ADAM22: variants seen among roughly 807,000 people sequenced by gnomAD.
The protein encoded by ADAM22 is disintegrin and metalloproteinase domain-containing protein 22.
A neutral mutation model predicts 144.6 loss-of-function variants in ADAM22; 65 were observed. The ratio of observed to expected loss-of-function variants is 0.45; its 90% CI spans 0.37 to 0.55. The LOEUF (loss-of-function observed/expected upper bound fraction) is 0.55, where lower values mean the gene tolerates loss of function less well. Ranked by LOEUF, ADAM22 falls within the 20% of genes least tolerant of loss-of-function variation. The pLI, the probability that ADAM22 is intolerant of heterozygous loss-of-function variation, is 0.00. For synonymous variants in ADAM22, 391 were observed against 412.6 expected (o/e 0.95, Z 0.63); for missense variants, 974 against 1,184.9 (o/e 0.82, Z 2.61).
intron 2 of ADAM22, among the ~76,000 whole-genome samples, chr7:87,962,904 T>C (rs573712325): frequency 2.0e-5 from 3 of 152,264 alleles, no homozygotes; most frequent in East Asian, 3.9e-4. Flanking sequence ...GATTTGAACA[T>C]AGGAAATTTG....
chr7:88,084,569 G>A (rs1675248551), intron 4 of ADAM22, among the ~76,000 whole-genome samples: 1 of 152,256 alleles, frequency 6.6e-6, no homozygotes. Context: ...TTATTTCTCT[G>A]CTGGTTCCCT....
intron 3 of ADAM22, among the ~76,000 whole-genome samples, chr7:88,025,152 GT>G (rs1341697756): frequency 6.6e-6 from 1 of 152,136 alleles, no homozygotes; most frequent in African/African-American, 2.4e-5. Context: ...GGTTGAACTA[GT>G]TTACAGTCCC....
chr7:88,188,412 C>T (rs544641579), intron 30 of ADAM22, among the ~76,000 whole-genome samples: 52 of 152,240 alleles, frequency 3.4e-4, no homozygotes, highest in Admixed American at 3.0e-3. Context: ...CCTGATTGCA[C>T]GTGCAAAACT....
intron 27 of ADAM22, 36 bp from the exon 28 acceptor site, chr7:88,181,469 C>T (rs1218291182): frequency 6.4e-7 from 1 of 1,572,410 alleles, no homozygotes; most frequent in South Asian, 1.1e-5. Context: ...CATTTGGTTA[C>T]ATTTTTGAAC....
At chr7:87,956,847 T>G (rs1476547764) in intron 2 of ADAM22, among the ~76,000 whole-genome samples, 1 of 152,252 alleles carries the variant, frequency 6.6e-6, no homozygotes, top group Non-Finnish European at 1.5e-5. Context: ...TTTCCATTCT[T>G]TGGCTATTTA....
chr7:88,005,781 T>C (rs1019565433), intron 3 of ADAM22, among the ~76,000 whole-genome samples: 1 of 152,208 alleles, frequency 6.6e-6, no homozygotes, highest in Non-Finnish European at 1.5e-5. Context: ...TTTTAAGGGA[T>C]ACTTTTAAGA....
intron 3 of ADAM22, among the ~76,000 whole-genome samples, chr7:87,979,628 C>G (rs1215184687): frequency 6.6e-6 from 1 of 151,936 alleles, no homozygotes; most frequent in Non-Finnish European, 1.5e-5. Flanking sequence ...TAGTCTTTTT[C>G]CTACCCCTGC....
intron 3 of ADAM22, among the ~76,000 whole-genome samples, chr7:87,991,352 ATTTTTTTTTTT>A (rs10549124): frequency 3.5e-5 from 3 of 86,036 alleles, no homozygotes; most frequent in Non-Finnish European, 6.4e-5. Context: ...CACTAGCCTT[ATTTTTTTTTTT>A]TTTTTTTTTT....
chr7:87,937,194 A>G (rs1453301270), intron 2 of ADAM22, among the ~76,000 whole-genome samples: 2 of 152,166 alleles, frequency 1.3e-5, no homozygotes, highest in South Asian at 4.1e-4. Context: ...CTGGGCTCAA[A>G]TCATCTGCTG....
intron 2 of ADAM22, among the ~76,000 whole-genome samples, chr7:87,955,736 C>G (rs1187943951): frequency 6.6e-6 from 1 of 152,226 alleles, no homozygotes; most frequent in Non-Finnish European, 1.5e-5. Flanking sequence ...AGAGGTGTAG[C>G]CTACAGAGGC....
intron 3 of ADAM22, among the ~76,000 whole-genome samples, chr7:88,044,726 G>A (rs1804101936): frequency 6.7e-6 from 1 of 148,942 alleles, no homozygotes; most frequent in Non-Finnish European, 1.5e-5. Context: ...GATTACAGGT[G>A]CCTGGCCTTT....
rs35118504 is a variant in ADAM22, at chr7:88,096,230, CTT to C, written c.391-11933_391-11932del. 9.5e-3 allele frequency among the ~76,000 whole-genome samples: 1,388 copies of C among 146,754 alleles called. 5 individuals are homozygous for C. Among genetic ancestry groups the C allele is most frequent in the Non-Finnish European group, 0.015 (1,027 of 66,532 alleles). Reference sequence around the variant, plus strand: ...GAGTCATTGTGCCTGGCTGAAAATACTTTTTTTTTTTTTTCCCCCAAAGAACC... The same window carrying C: ...GAGTCATTGTGCCTGGCTGAAAATACTTTTTTTTTTTTCCCCCAAAGAACC... On this transcript the variant is annotated intron_variant, in intron 4 of 31. Coordinates refer to ENST00000413139, the MANE Select transcript of ADAM22 (RefSeq NM_001324418.2).
chr7:88,086,592 A>G (rs547141289), intron 4 of ADAM22, among the ~76,000 whole-genome samples: 1 of 152,390 alleles, frequency 6.6e-6, no homozygotes, highest in East Asian at 1.9e-4. Context: ...TTTAAAAATT[A>G]AATTCTTAAT....
At chr7:87,936,735 A>C (rs1224905732) in intron 2 of ADAM22, among the ~76,000 whole-genome samples, 2 of 152,068 alleles carry the variant, frequency 1.3e-5, no homozygotes, top group African/African-American at 4.8e-5. Context: ...TATTTTCAAA[A>C]ATTAGGAGTA....
intron 9 of ADAM22, among the ~76,000 whole-genome samples, chr7:88,129,284 T>C (rs529945922): frequency 6.6e-6 from 1 of 152,208 alleles, no homozygotes; most frequent in African/African-American, 2.4e-5. Context: ...CAATGAGTTA[T>C]AATGCTAATT....
chr7:88,062,845 A>T (rs1199889441), intron 3 of ADAM22, among the ~76,000 whole-genome samples: 2 of 152,152 alleles, frequency 1.3e-5, no homozygotes, highest in Non-Finnish European at 2.9e-5. Flanking sequence ...GGGAATAGGG[A>T]TGCCTGTGGA....
At chr7:88,171,331 G>A (rs1844263707) in intron 25 of ADAM22, among the ~76,000 whole-genome samples, 1 of 151,886 alleles carries the variant, frequency 6.6e-6, no homozygotes, top group African/African-American at 2.4e-5. Context: ...ACAATTGTTT[G>A]ACAATATTGT....
At chr7:88,119,602 C>T (rs1828726397) in intron 7 of ADAM22, among the ~76,000 whole-genome samples, 1 of 152,144 alleles carries the variant, frequency 6.6e-6, no homozygotes, top group South Asian at 2.1e-4. Context: ...AGTTCTCCTG[C>T]CTCAGGCTCC....
rs568862451 is a variant in ADAM22, at chr7:87,976,767, G to T, written c.247-1569G>T. 2.6e-5 allele frequency among the ~76,000 whole-genome samples: 4 copies of T among 152,280 alleles called. No individual in the cohort carries two copies. In the East Asian group the frequency reaches 7.7e-4, roughly 29 times the overall value. ...GAACTAAAGAGCAGAAGAGAGAACT[G>T]AGTGTAGGTGGGCTATGGGTAGGTG... On this transcript the variant is annotated intron_variant, in intron 2 of 31. Transcript: ENST00000413139.
Sources: gnomAD v4.1 joint callset for allele counts (sites outside exome capture counted in the v4.1 genomes callset) on GRCh38, gnomAD v4.1.1 for gene constraint, MANE v1.5 for transcripts, NCBI Gene and HGNC (gene_info 2026-07-23, HGNC 2026-07-21) for gene names.